TMEM178B: variants seen among roughly 807,000 people sequenced by gnomAD.
The protein encoded by TMEM178B is transmembrane protein 178B.
A neutral mutation model predicts 31.0 loss-of-function variants in TMEM178B; 5 were observed. The ratio of observed to expected loss-of-function variants is 0.16; its 90% CI spans 0.08 to 0.34. The LOEUF (loss-of-function observed/expected upper bound fraction) is 0.34. TMEM178B is among the 10% of genes least tolerant of loss of function. The pLI, the probability that TMEM178B is intolerant of heterozygous loss-of-function variation, is 1.00. For missense variants in TMEM178B, 275 were observed against 400.3 expected (o/e 0.69, Z 2.67); for synonymous variants, 164 against 164.0 (o/e 1.00, Z 0.00).
intron 2 of TMEM178B, among the ~76,000 whole-genome samples, chr7:141,354,367 T>C (rs1034480090): frequency 3.3e-5 from 5 of 152,244 alleles, no homozygotes; most frequent in Non-Finnish European, 7.3e-5. Context: ...ATGTTTCTAG[T>C]GCTGAGGCAG....
intron 2 of TMEM178B, among the ~76,000 whole-genome samples, chr7:141,357,716 G>A (rs1029207822): frequency 1.3e-5 from 2 of 152,162 alleles, no homozygotes; most frequent in African/African-American, 4.8e-5. Flanking sequence ...TCTGCCATCA[G>A]CCCTTGTTAC....
intron 2 of TMEM178B, among the ~76,000 whole-genome samples, chr7:141,398,969 C>T (rs1004031773): frequency 2.6e-5 from 4 of 152,218 alleles, no homozygotes; most frequent in Non-Finnish European, 5.9e-5. Context: ...TGGGAAAATA[C>T]GCCGTCTCCC....
intron 2 of TMEM178B, among the ~76,000 whole-genome samples, chr7:141,320,825 C>G (rs746376710): frequency 3.3e-5 from 5 of 152,124 alleles, no homozygotes; most frequent in Non-Finnish European, 7.3e-5. Context: ...CAAGGTCATA[C>G]AGGTAATAAG....
chr7:141,385,466 T>C (rs919903973), intron 2 of TMEM178B, among the ~76,000 whole-genome samples: 2 of 152,220 alleles, frequency 1.3e-5, no homozygotes, highest in Admixed American at 6.5e-5. Context: ...AAATGTACAT[T>C]GAAAAATTCA....
At chr7:141,154,073 G>A (rs1796026205) in intron 1 of TMEM178B, among the ~76,000 whole-genome samples, 1 of 152,208 alleles carries the variant, frequency 6.6e-6, no homozygotes, top group South Asian at 2.1e-4. Flanking sequence ...TAAGCAAGGT[G>A]GGCAACTTTC....
At chr7:141,212,564 A>T in intron 1 of TMEM178B, 27 bp from the exon 2 acceptor site, 1 of 1,526,328 alleles carries the variant, frequency 6.6e-7, no homozygotes, top group Non-Finnish European at 8.8e-7. Context: ...CTTCCTTAAC[A>T]TTTTGTTTCC....
At chr7:141,242,969 C>T (rs1044485771) in intron 2 of TMEM178B, among the ~76,000 whole-genome samples, 4 of 152,064 alleles carry the variant, frequency 2.6e-5, no homozygotes, top group African/African-American at 4.8e-5. Flanking sequence ...TCCTCTTTCT[C>T]CTCCTTTTGC....
chr7:141,079,205 T>G (rs555437081), intron 1 of TMEM178B, among the ~76,000 whole-genome samples: 64 of 152,188 alleles, frequency 4.2e-4, no homozygotes, highest in Non-Finnish European at 7.5e-4. Flanking sequence ...GAGAATCGCT[T>G]GAACCTAGGA....
intron 3 of TMEM178B, among the ~76,000 whole-genome samples, chr7:141,446,290 G>A (rs1236850280): frequency 6.6e-6 from 1 of 152,202 alleles, no homozygotes; most frequent in Non-Finnish European, 1.5e-5. Flanking sequence ...ACAGGGAGCA[G>A]CCTTATCCAG....
intron 1 of TMEM178B, among the ~76,000 whole-genome samples, chr7:141,136,379 A>C (rs902608617): frequency 6.6e-6 from 1 of 152,184 alleles, no homozygotes; most frequent in Non-Finnish European, 1.5e-5. Flanking sequence ...AAATCAATTG[A>C]AAATGGATTA....
At chr7:141,282,945 T>A (rs1420620430) in intron 2 of TMEM178B, among the ~76,000 whole-genome samples, 3 of 152,258 alleles carry the variant, frequency 2.0e-5, no homozygotes, top group African/African-American at 7.2e-5. Context: ...TGCCAGACAC[T>A]GTGCTGAGTC....
At chr7:141,103,248 G>T (rs1795087443) in intron 1 of TMEM178B, among the ~76,000 whole-genome samples, 1 of 152,218 alleles carries the variant, frequency 6.6e-6, no homozygotes, top group African/African-American at 2.4e-5. Context: ...AATCACAATT[G>T]TGGTTGTAGA....
At chr7:141,348,955 A>G (rs1799664779) in intron 2 of TMEM178B, among the ~76,000 whole-genome samples, 2 of 152,170 alleles carry the variant, frequency 1.3e-5, no homozygotes, top group Non-Finnish European at 2.9e-5. Context: ...GCGGCAGGGT[A>G]TCGCTGATTG....
chr7:141,274,923 A>G (rs1424417605), intron 2 of TMEM178B, among the ~76,000 whole-genome samples: 4 of 152,200 alleles, frequency 2.6e-5, no homozygotes, highest in Admixed American at 2.6e-4. Context: ...GATGGAACCA[A>G]ACGAGTGAAG....
chr7:141,275,418 G>A (rs1289963142), intron 2 of TMEM178B, among the ~76,000 whole-genome samples: 1 of 152,220 alleles, frequency 6.6e-6, no homozygotes, highest in African/African-American at 2.4e-5. Flanking sequence ...GTTGAAAACT[G>A]TGTAGTTTGC....
At chr7:141,322,297 TGGG>T (rs1272789367) in intron 2 of TMEM178B, among the ~76,000 whole-genome samples, 13 of 148,554 alleles carry the variant, frequency 8.8e-5, no homozygotes, top group African/African-American at 3.2e-4. Flanking sequence ...GAGGCTGAGG[TGGG>T]CGGACCACTT....
intron 1 of TMEM178B, among the ~76,000 whole-genome samples, chr7:141,083,552 T>C (rs1794725834): frequency 6.6e-6 from 1 of 152,074 alleles, no homozygotes; most frequent in South Asian, 2.1e-4. Context: ...AAGCAATTTC[T>C]AAAGAGATCA....
rs534055474 is a variant in TMEM178B, at chr7:141,391,558, G to A, written c.497-46050G>A. On this transcript the variant is annotated intron_variant, in intron 2 of 3. Transcript: ENST00000565468. ...TATACATAAGATTTACCCTTTTAAC[G>A]GTTTTTGAGTGTACAGTTCAGTGGT... Among the ~76,000 whole-genome samples, 5 of 152,140 alleles carry A rather than the reference G, an allele frequency of 3.3e-5. No individual in the cohort carries two copies. The East Asian group carries it at 7.7e-4, about 24-fold the overall frequency.
At chr7:141,355,368 G>A (rs957942823) in intron 2 of TMEM178B, among the ~76,000 whole-genome samples, 1 of 152,154 alleles carries the variant, frequency 6.6e-6, no homozygotes, top group Non-Finnish European at 1.5e-5. Context: ...CCTTAGAGAA[G>A]CATTGGGACC....
Sources: gnomAD v4.1 joint callset for allele counts (sites outside exome capture counted in the v4.1 genomes callset) on GRCh38, gnomAD v4.1.1 for gene constraint, MANE v1.5 for transcripts, NCBI Gene and HGNC (gene_info 2026-07-23, HGNC 2026-07-21) for gene names.